The following LRBA variants were observed in gnomAD, a reference collection of about 807,000 sequenced individuals.
The protein encoded by LRBA is lipopolysaccharide-responsive and beige-like anchor protein.
A neutral mutation model predicts 330.0 loss-of-function variants in LRBA; 176 were observed. The observed-to-expected ratio is 0.53, with a 90% CI of 0.47 to 0.60. LRBA has a LOEUF of 0.60. LRBA is among the 20% of genes least tolerant of loss of function. The pLI is 0.00. For synonymous variants in LRBA, 1,230 were observed against 1,193.0 expected, an observed-to-expected ratio of 1.03 and a Z score of -0.64; for missense variants, 3,259 against 3,444.8, an observed-to-expected ratio of 0.95 and a Z score of 1.35.
At chr4:150,581,318 C>G (rs1168085669) in intron 40 of LRBA, 1 of 450,210 alleles carries the variant, frequency 2.2e-6, no homozygotes, top group African/African-American at 2.0e-5. Context: ...AAACCCTCAC[C>G]TTATATCCAC....
At chr4:150,450,573 C>T (rs547047814) in intron 44 of LRBA, among the ~76,000 whole-genome samples, 9 of 152,280 alleles carry the variant, frequency 5.9e-5, no homozygotes, top group Non-Finnish European at 1.3e-4. Context: ...TTTGGGCCCA[C>T]CCTAATGACC....
At chr4:150,422,750 C>T in intron 46 of LRBA, 1 of 1,190,426 alleles carries the variant, frequency 8.4e-7, no homozygotes, top group Admixed American at 1.9e-5. Context: ...AGGGCTTCTT[C>T]ATGACCTGGT....
chr4:150,595,401 T>A (rs1773378770), intron 38 of LRBA, among the ~76,000 whole-genome samples: 1 of 151,938 alleles, frequency 6.6e-6, no homozygotes, highest in Non-Finnish European at 1.5e-5. Context: ...CGATTTAAGA[T>A]CTTTACATGA....
intron 44 of LRBA, among the ~76,000 whole-genome samples, chr4:150,466,424 T>C (rs1755460470): frequency 6.6e-6 from 1 of 152,162 alleles, no homozygotes; most frequent in African/African-American, 2.4e-5. Context: ...GAGCCTTGCA[T>C]TTCTGCTATG....
chr4:150,716,519 G>C (rs995196805), intron 36 of LRBA, among the ~76,000 whole-genome samples: 2 of 152,134 alleles, frequency 1.3e-5, no homozygotes, highest in African/African-American at 2.4e-5. Flanking sequence ...ATAAACAGAT[G>C]TTCAAGCTAA....
intron 37 of LRBA, among the ~76,000 whole-genome samples, chr4:150,638,062 C>T (rs1778101462): frequency 6.6e-6 from 1 of 151,916 alleles, no homozygotes; most frequent in Non-Finnish European, 1.5e-5. Flanking sequence ...CATTATACTG[C>T]ATAATATTCT....
At chr4:150,876,429 A>G (rs1339808562) in intron 17 of LRBA, among the ~76,000 whole-genome samples, 1 of 150,418 alleles carries the variant, frequency 6.6e-6, no homozygotes, top group Non-Finnish European at 1.5e-5. Context: ...CCCAAGATCA[A>G]TATTAAAGAA....
chr4:150,855,969 T>C (rs1221832282), intron 22 of LRBA, among the ~76,000 whole-genome samples: 4 of 152,244 alleles, frequency 2.6e-5, no homozygotes, highest in Admixed American at 1.3e-4. Context: ...GGAAGTCTTA[T>C]AGGCAAGTCA....
chr4:150,477,333 A>T (rs950607289), intron 42 of LRBA, among the ~76,000 whole-genome samples: 1 of 152,132 alleles, frequency 6.6e-6, no homozygotes, highest in African/African-American at 2.4e-5. Context: ...AAGACGGGGT[A>T]ATTTACTAAG....
At chr4:150,726,905 G>C (rs1309928077) in intron 36 of LRBA, among the ~76,000 whole-genome samples, 1 of 149,948 alleles carries the variant, frequency 6.7e-6, no homozygotes, top group Non-Finnish European at 1.5e-5. Context: ...ACTAATGAGA[G>C]AGATAGACTC....
At chr4:150,472,221 G>T (rs1756216638) in intron 42 of LRBA, among the ~76,000 whole-genome samples, 1 of 151,958 alleles carries the variant, frequency 6.6e-6, no homozygotes, top group Admixed American at 6.6e-5. Flanking sequence ...TCTGTTCATG[G>T]GGTAAAGAGA....
intron 2 of LRBA, among the ~76,000 whole-genome samples, chr4:151,007,504 C>CAA (rs1381377896): frequency 3.4e-5 from 2 of 58,248 alleles, no homozygotes; most frequent in Admixed American, 1.9e-4. Flanking sequence ...GACTCTGTCT[C>CAA]AAAAAAAAAA....
At chr4:150,561,884 T>G (rs1254531802) in intron 40 of LRBA, among the ~76,000 whole-genome samples, 1 of 152,180 alleles carries the variant, frequency 6.6e-6, no homozygotes, top group Non-Finnish European at 1.5e-5. Flanking sequence ...AACAACACCC[T>G]ACCAATCCCT....
chr4:150,570,544 T>C (rs1769709433), intron 40 of LRBA, among the ~76,000 whole-genome samples: 1 of 152,112 alleles, frequency 6.6e-6, no homozygotes. Context: ...AAATAACACA[T>C]GTCATCTTCT....
intron 37 of LRBA, among the ~76,000 whole-genome samples, chr4:150,660,598 A>G (rs1333951042): frequency 6.8e-6 from 1 of 146,758 alleles, no homozygotes; most frequent in Admixed American, 6.8e-5. Context: ...ACGGGCCAGG[A>G]TGACAATGGC....
chr4:150,725,545 G>C (rs1046823875), intron 36 of LRBA, among the ~76,000 whole-genome samples: 1 of 152,148 alleles, frequency 6.6e-6, no homozygotes, highest in Admixed American at 6.5e-5. Flanking sequence ...AAACGCTAAA[G>C]GATTTCATCA....
At chr4:150,868,793 C>T (rs1307263326) in intron 20 of LRBA, among the ~76,000 whole-genome samples, 1 of 151,972 alleles carries the variant, frequency 6.6e-6, no homozygotes, top group African/African-American at 2.4e-5. Flanking sequence ...TAAAAATTAG[C>T]CAGGTGTGGT....
In LRBA at chr4:151,014,373, T is replaced by G. The variant is rs771644731; in HGVS notation, c.216+54A>C. 5 of 1,450,996 alleles carry G rather than the reference T, an allele frequency of 3.4e-6. No individual in the cohort carries two copies. The East Asian group carries it at 9.2e-5, about 27-fold the overall frequency. The allele number at this position is 1,450,996 out of a possible 1,614,324, so 89.9% of individuals were successfully genotyped here. Reference sequence around the variant, plus strand: ...CCACATGGCTCCAGCTTTAAGATCTTGTTCCCCAACCCACTGAAAAGAGTA... The same window carrying G: ...CCACATGGCTCCAGCTTTAAGATCTGGTTCCCCAACCCACTGAAAAGAGTA... On this transcript the variant is annotated intron_variant, in intron 2 of 56. Coordinates refer to ENST00000651943, the MANE Select transcript of LRBA (RefSeq NM_001364905.1).
chr4:150,552,294 T>C (rs577535025), intron 40 of LRBA, among the ~76,000 whole-genome samples: 9 of 152,176 alleles, frequency 5.9e-5, no homozygotes, highest in Non-Finnish European at 1.0e-4. Context: ...ATTATACTTT[T>C]CATACCAATA....
Sources: allele counts gnomAD v4.1 joint callset (sites outside exome capture counted in the v4.1 genomes callset), GRCh38; gene constraint gnomAD v4.1.1; transcripts MANE v1.5; gene names NCBI Gene and HGNC (gene_info 2026-07-23, HGNC 2026-07-21).